ARID4B: variants seen among roughly 807,000 people sequenced by gnomAD.
ARID4B encodes AT-rich interaction domain 4B.
In ARID4B, 26 loss-of-function variants were observed where a neutral mutation model predicts 147.5. That is an observed-to-expected ratio of 0.18 (90% CI 0.13 to 0.24). The LOEUF (loss-of-function observed/expected upper bound fraction) is 0.24, where lower values mean the gene tolerates loss of function less well. ARID4B is among the 10% of genes least tolerant of loss of function. The pLI, the probability that ARID4B is intolerant of heterozygous loss-of-function variation, is 1.00. For missense variants in ARID4B, 1,179 were observed against 1,511.5 expected, an observed-to-expected ratio of 0.78 and a Z score of 3.65; for synonymous variants, 512 against 507.9, an observed-to-expected ratio of 1.01 and a Z score of -0.11.
intron 18 of ARID4B, 126 bp downstream of exon 18, chr1:235,195,905 A>G: frequency 1.6e-6 from 1 of 633,916 alleles, no homozygotes; most frequent in East Asian, 3.0e-5. Context: ...TTAATTATAT[A>G]CAAATCTAGC....
Position 235,168,766 on chromosome 1 carries a change from C to T in ARID4B, c.3812-114G>A, listed in dbSNP as rs1663113668. ...CGCTATATTGTCCAAAATCATTTAG[C>T]TTACAACAACAGTGGTCAATTCTCA... On this transcript the variant is annotated intron_variant, in intron 23 of 23. Transcript: ENST00000264183. 12 of 1,114,632 alleles carry T rather than the reference C, an allele frequency of 1.1e-5. No individual in the cohort carries two copies. The South Asian group carries it at 1.8e-4, about 17-fold the overall frequency. The allele number at this position is 1,114,632 out of a possible 1,614,324, so 69.0% of individuals were successfully genotyped here.
intron 7 of ARID4B, among the ~76,000 whole-genome samples, chr1:235,242,764 C>T (rs1040120291): frequency 3.3e-5 from 5 of 152,140 alleles, no homozygotes; most frequent in Non-Finnish European, 5.9e-5. Context: ...CACCTTTGTT[C>T]AGCTAGCTGA....
intron 19 of ARID4B, among the ~76,000 whole-genome samples, chr1:235,184,039 A>G (rs1664506254): frequency 6.6e-6 from 1 of 152,130 alleles, no homozygotes; most frequent in Non-Finnish European, 1.5e-5. Flanking sequence ...TCAGCCTTCC[A>G]AAGTGCTGAG....
At chr1:235,243,903 A>T (rs570799855) in intron 7 of ARID4B, among the ~76,000 whole-genome samples, 6 of 152,250 alleles carry the variant, frequency 3.9e-5, no homozygotes, top group Middle Eastern at 3.4e-3. Context: ...AAATGAATCA[A>T]ATTCTCATAT....
intron 7 of ARID4B, among the ~76,000 whole-genome samples, chr1:235,242,908 A>T (rs1284796426): frequency 1.3e-5 from 2 of 152,090 alleles, no homozygotes; most frequent in Non-Finnish European, 2.9e-5. Flanking sequence ...GTCCCTGCCC[A>T]TCTACCTCTT....
intron 17 of ARID4B, among the ~76,000 whole-genome samples, chr1:235,205,095 T>C (rs1324158878): frequency 2.0e-5 from 3 of 152,196 alleles, no homozygotes; most frequent in Admixed American, 6.5e-5. Flanking sequence ...CAGGGTACCT[T>C]GCTTTCTATC....
chr1:235,193,232 A>G (rs1028037118), intron 19 of ARID4B, among the ~76,000 whole-genome samples: 2 of 152,234 alleles, frequency 1.3e-5, no homozygotes, highest in African/African-American at 4.8e-5. Flanking sequence ...CCCCGTCTCT[A>G]GAAACAATAT....
intron 17 of ARID4B, among the ~76,000 whole-genome samples, chr1:235,211,641 T>C (rs972550802): frequency 6.6e-6 from 1 of 152,184 alleles, no homozygotes; most frequent in East Asian, 1.9e-4. Context: ...TACAGTGGCA[T>C]GATCATAGTT....
intron 4 of ARID4B, among the ~76,000 whole-genome samples, chr1:235,256,451 T>G (rs1285788612): frequency 6.6e-6 from 1 of 152,040 alleles, no homozygotes; most frequent in East Asian, 1.9e-4. Context: ...TGCTCTGGGG[T>G]TTCCTTTTGG....
At chr1:235,285,339 C>T (rs906699922) in intron 2 of ARID4B, among the ~76,000 whole-genome samples, 3 of 152,092 alleles carry the variant, frequency 2.0e-5, no homozygotes, top group Non-Finnish European at 4.4e-5. Context: ...GTGTAATTAA[C>T]GTATCAACAA....
At chr1:235,210,589 A>C (rs953460384) in intron 17 of ARID4B, among the ~76,000 whole-genome samples, 2 of 152,200 alleles carry the variant, frequency 1.3e-5, no homozygotes, top group African/African-American at 4.8e-5. Context: ...GTTAACTCTA[A>C]GAAGATTAAC....
At chr1:235,294,361 G>A (rs796592830) in intron 2 of ARID4B, among the ~76,000 whole-genome samples, 1 of 133,744 alleles carries the variant, frequency 7.5e-6, no homozygotes, top group African/African-American at 2.9e-5. Flanking sequence ...CACCCAGGCT[G>A]GAGTGCAGAG....
intron 11 of ARID4B, among the ~76,000 whole-genome samples, chr1:235,226,237 A>C (rs753002927): frequency 6.6e-6 from 1 of 152,248 alleles, no homozygotes; most frequent in Non-Finnish European, 1.5e-5. Context: ...CAGACACTTT[A>C]AGTATGAATA....
chr1:235,256,577 A>G (rs1670004665), intron 4 of ARID4B, among the ~76,000 whole-genome samples: 1 of 152,244 alleles, frequency 6.6e-6, no homozygotes, highest in Non-Finnish European at 1.5e-5. Context: ...AAATGAATGC[A>G]AAGAAATAAA....
chr1:235,236,833 A>AAATATATATATATAT (rs1175189621), intron 8 of ARID4B, among the ~76,000 whole-genome samples: 3 of 33,522 alleles, frequency 8.9e-5, no homozygotes, highest in Non-Finnish European at 1.4e-4. Context: ...TTTTATAAAA[A>AAATATATATATATAT]ATATATATAT....
rs184135084 is a variant in ARID4B at position 235,317,744 on chromosome 1, A to G, written c.6+9170T>C. ...TTTCCTGTACTCCTAAGAGATCCAA[A>G]GAGCCAGGAATTTCTACCTGTTTTG... On this transcript the variant is annotated intron_variant, in intron 2 of 23. Transcript: ENST00000264183. Among the ~76,000 whole-genome samples the G allele has an allele frequency of 2.3e-3, 353 of 152,314 alleles. 3 individuals carry two copies. The highest frequency in any genetic ancestry group is 8.0e-3 in the African/African-American group (332 of 41,558).
intron 2 of ARID4B, among the ~76,000 whole-genome samples, chr1:235,310,045 G>C (rs1420990550): frequency 6.6e-6 from 1 of 151,802 alleles, no homozygotes; most frequent in African/African-American, 2.4e-5. Flanking sequence ...CACTGCGGAA[G>C]GCCACAGGGT....
intron 2 of ARID4B, among the ~76,000 whole-genome samples, chr1:235,307,854 T>C (rs1045390771): frequency 4.6e-5 from 7 of 152,084 alleles, no homozygotes; most frequent in African/African-American, 7.2e-5. Context: ...CTTTTAGAGA[T>C]AGAGTCTCGC....
chr1:235,186,070 A>G (rs1235450646), intron 19 of ARID4B, among the ~76,000 whole-genome samples: 1 of 150,890 alleles, frequency 6.6e-6, no homozygotes, highest in East Asian at 2.0e-4. Flanking sequence ...CCCAGGTTCA[A>G]GTGATTCCCC....
Sources: gnomAD v4.1 joint callset for allele counts (sites outside exome capture counted in the v4.1 genomes callset) on GRCh38, gnomAD v4.1.1 for gene constraint, MANE v1.5 for transcripts, NCBI Gene and HGNC (gene_info 2026-07-23, HGNC 2026-07-21) for gene names.